SYNPO2: variants seen among roughly 807,000 people sequenced by gnomAD.
SYNPO2 encodes synaptopodin 2.
Under a neutral mutation model 85.0 loss-of-function variants are expected in SYNPO2, and 56 were observed. The observed-to-expected ratio is 0.66, with a 90% CI of 0.53 to 0.82. The LOEUF (loss-of-function observed/expected upper bound fraction) is 0.82, where lower values mean the gene tolerates loss of function less well. SYNPO2 is among the 40% of genes least tolerant of loss of function. The pLI is 0.00. For missense variants in SYNPO2, 1,575 were observed against 1,534.2 expected (o/e 1.03, Z -0.44); for synonymous variants, 602 against 591.1 (o/e 1.02, Z -0.27).
At chr4:119,009,418 T>A (rs886581503) in intron 1 of SYNPO2, among the ~76,000 whole-genome samples, 1 of 152,198 alleles carries the variant, frequency 6.6e-6, no homozygotes, top group African/African-American at 2.4e-5. Context: ...ACTTATCTTC[T>A]AGTCTCCTTG....
chr4:118,885,331 G>C (rs547622060), upstream of SYNPO2, among the ~76,000 whole-genome samples: 1 of 152,220 alleles, frequency 6.6e-6, no homozygotes, highest in South Asian at 2.1e-4. Flanking sequence ...AAAATGAATT[G>C]AGGGTGGAAA....
intron 1 of SYNPO2, among the ~76,000 whole-genome samples, chr4:118,928,980 T>C (rs1407975043): frequency 6.6e-6 from 1 of 152,104 alleles, no homozygotes; most frequent in East Asian, 1.9e-4. Flanking sequence ...CAGTTTTCCA[T>C]AGAAGTTTGT....
Position 119,031,014 on chromosome 4 carries a change from C to A in SYNPO2, c.2239C>A (p.Gln747Lys). ...GGGGGCAGAGGCTTGTAATTTCATGCAAAGCTCCTCTGCCAAACAAAAGAC... is the reference window on the plus strand; with the variant it reads ...GGGGGCAGAGGCTTGTAATTTCATGAAAAGCTCCTCTGCCAAACAAAAGAC... ...SLGAEACNFM[Q>K]SSSAKQKTPP... Residue 747 changes from glutamine (Q) to lysine (K), a missense_variant, in exon 4 of 5, where the codon CAA becomes AAA. By Grantham distance (53) the Gln-to-Lys change is moderately conservative (BLOSUM62 1). Transcript: ENST00000307142. The A allele has an allele frequency of 1.2e-6, 2 of 1,614,098 alleles. No individual in the cohort carries two copies. Among genetic ancestry groups the A allele is most frequent in the Non-Finnish European group, 1.7e-6 (2 of 1,180,016 alleles).
chr4:118,879,199 A>C (rs566404102), intron 1 of SYNPO2, among the ~76,000 whole-genome samples: 14 of 152,214 alleles, frequency 9.2e-5, no homozygotes, highest in Non-Finnish European at 4.4e-5. Context: ...TAAGAACGGT[A>C]ACACTCACCG....
intron 1 of SYNPO2, 120 bp from the exon 2 acceptor site, chr4:119,023,302 TACAGGTTA>T (rs2149185544): frequency 1.1e-6 from 1 of 951,570 alleles, no homozygotes; most frequent in Admixed American, 3.0e-5. Flanking sequence ...TAAATGGTCT[TACAGGTTA>T]ACAGGTGAAT....
Position 118,915,091 on chromosome 4 carries a change from T to G in SYNPO2, c.105+25950T>G, listed in dbSNP as rs1198105074. Reference sequence around the variant, plus strand: ...AGCATTTGAGCCATAGATCATGAATTTTTAGTTATTTAAATTTATTTTTAA... The same window carrying G: ...AGCATTTGAGCCATAGATCATGAATGTTTAGTTATTTAAATTTATTTTTAA... On this transcript the variant is annotated intron_variant, in intron 1 of 4. Transcript: ENST00000307142. 2.0e-5 allele frequency among the ~76,000 whole-genome samples: 3 copies of G among 151,880 alleles called. No homozygotes were observed. In the East Asian group the frequency reaches 5.8e-4, roughly 29 times the overall value.
intron 4 of SYNPO2, chr4:119,034,375 G>C (rs1199373485): frequency 4.1e-6 from 4 of 974,956 alleles, no homozygotes; most frequent in Non-Finnish European, 4.9e-6. Flanking sequence ...CTAGTGGTGT[G>C]GTATGCAGGA....
At chr4:118,999,146 G>A (rs1169886503) in intron 1 of SYNPO2, among the ~76,000 whole-genome samples, 1 of 152,066 alleles carries the variant, frequency 6.6e-6, no homozygotes, top group Non-Finnish European at 1.5e-5. Flanking sequence ...TACCATGATG[G>A]ATAAGTTTTT....
rs114365332 is a variant in SYNPO2, at chr4:118,953,444, G to A, written c.105+64303G>A. Reference sequence around the variant, plus strand: ...ACTGTATCCCCCATTGCCCAGTGCGGGGGATAGGACAGGTGCTCATTACAC... The same window carrying A: ...ACTGTATCCCCCATTGCCCAGTGCGAGGGATAGGACAGGTGCTCATTACAC... On this transcript the variant is annotated intron_variant, in intron 1 of 4. Coordinates refer to ENST00000307142, the MANE Select transcript of SYNPO2 (RefSeq NM_133477.3). 5.2e-3 allele frequency among the ~76,000 whole-genome samples: 799 copies of A among 152,226 alleles called. 6 individuals are homozygous for A. The highest frequency in any genetic ancestry group is 0.018 in the African/African-American group (760 of 41,536).
At chr4:118,915,893 TA>T (rs1271000719) in intron 1 of SYNPO2, among the ~76,000 whole-genome samples, 1 of 152,144 alleles carries the variant, frequency 6.6e-6, no homozygotes, top group African/African-American at 2.4e-5. Context: ...TTGCTAGATA[TA>T]AAATGGTACC....
At chr4:118,921,819 T>C (rs150426863) in intron 1 of SYNPO2, among the ~76,000 whole-genome samples, 11 of 151,776 alleles carry the variant, frequency 7.2e-5, no homozygotes, top group South Asian at 4.2e-4. Context: ...TTTTTTGACA[T>C]CTTGTTTTCA....
At chr4:118,983,900 A>G (rs1490927984) in intron 1 of SYNPO2, among the ~76,000 whole-genome samples, 1 of 152,154 alleles carries the variant, frequency 6.6e-6, no homozygotes, top group African/African-American at 2.4e-5. Context: ...CCTGGTCCCA[A>G]ACTGAGTTCC....
At chr4:119,038,243 A>C (rs1235777760) in intron 4 of SYNPO2, 1 of 985,408 alleles carries the variant, frequency 1.0e-6, no homozygotes. Flanking sequence ...CTTTGTAGAT[A>C]GCTTTGACCA....
intron 1 of SYNPO2, among the ~76,000 whole-genome samples, chr4:119,020,162 A>C (rs1321866748): frequency 6.6e-6 from 1 of 152,156 alleles, no homozygotes; most frequent in Non-Finnish European, 1.5e-5. Context: ...TCTATAAAAA[A>C]TGGAGAAAGA....
chr4:118,865,283 T>A (rs1731681296), intron 1 of SYNPO2, among the ~76,000 whole-genome samples: 2 of 152,226 alleles, frequency 1.3e-5, no homozygotes, highest in Admixed American at 1.3e-4. Flanking sequence ...CTCTCTGTTC[T>A]GGCAATGCAG....
intron 1 of SYNPO2, among the ~76,000 whole-genome samples, chr4:118,856,493 C>T (rs750847178): frequency 1.4e-4 from 22 of 152,144 alleles, no homozygotes; most frequent in Non-Finnish European, 2.5e-4. Flanking sequence ...ATTATTATTT[C>T]GAATATATAT....
intron 4 of SYNPO2, chr4:119,034,838 A>G: frequency 2.0e-6 from 2 of 985,536 alleles, no homozygotes; most frequent in Non-Finnish European, 2.4e-6. Flanking sequence ...TTAGACCTCC[A>G]GACGTCAGCC....
chr4:119,014,474 T>C (rs760411192), intron 1 of SYNPO2, among the ~76,000 whole-genome samples: 15 of 152,218 alleles, frequency 9.9e-5, no homozygotes, highest in Non-Finnish European at 1.8e-4. Flanking sequence ...CTATTCTCAC[T>C]ACATTACCTG....
chr4:118,917,731 C>T (rs921703418), intron 1 of SYNPO2, among the ~76,000 whole-genome samples: 4 of 152,064 alleles, frequency 2.6e-5, no homozygotes, highest in Non-Finnish European at 4.4e-5. Context: ...TCTGTAAGAA[C>T]GATTTTGTGT....
Sources: allele counts gnomAD v4.1 joint callset (sites outside exome capture counted in the v4.1 genomes callset), GRCh38; gene constraint gnomAD v4.1.1; transcripts MANE v1.5; gene names NCBI Gene and HGNC (gene_info 2026-07-23, HGNC 2026-07-21).